LYRM4: variants seen among roughly 807,000 people sequenced by gnomAD.
LYRM4 encodes the protein LYR motif containing 4, also known as LYR motif-containing protein 4.
Under a neutral mutation model 11.7 loss-of-function variants are expected in LYRM4, and 9 were observed. The ratio of observed to expected loss-of-function variants is 0.77; its 90% CI spans 0.46 to 1.34. The LOEUF (loss-of-function observed/expected upper bound fraction) is 1.34, where lower values mean the gene tolerates loss of function less well. Among genes scored for constraint, LYRM4 ranks in the 40% most tolerant of loss-of-function variants. The pLI, the probability that LYRM4 is intolerant of heterozygous loss-of-function variation, is 0.00. For missense variants in LYRM4, 133 were observed against 112.5 expected, an observed-to-expected ratio of 1.18 and a Z score of -0.82; for synonymous variants, 42 against 40.4, an observed-to-expected ratio of 1.04 and a Z score of -0.15.
chr6:5,073,345 G>T, the LYRM4 span, among the ~76,000 whole-genome samples: 1 of 152,006 alleles, frequency 6.6e-6, no homozygotes. Context: ...GCCCCAGCCT[G>T]GGTGACAGAG....
intron 2 of LYRM4, among the ~76,000 whole-genome samples, chr6:5,137,981 G>C (rs58772526): frequency 0.1 from 15,367 of 152,196 alleles, 840 homozygotes; most frequent in Middle Eastern, 0.16. Flanking sequence ...GCCTGAGGTG[G>C]TGCAGAGTTC....
chr6:5,142,598 C>T (rs1205980070), intron 2 of LYRM4, among the ~76,000 whole-genome samples: 1 of 152,206 alleles, frequency 6.6e-6, no homozygotes, highest in Non-Finnish European at 1.5e-5. Flanking sequence ...AAATCACCAG[C>T]CATTGCTAGA....
the LYRM4 span, chr6:5,066,847 C>T: frequency 2.4e-6 from 2 of 836,834 alleles, no homozygotes; most frequent in South Asian, 1.6e-5. Flanking sequence ...GGAGAGGAGT[C>T]AGACAGGCCA....
At chr6:5,246,132 A>C (rs550532828) in intron 1 of LYRM4, among the ~76,000 whole-genome samples, 66 of 152,310 alleles carry the variant, frequency 4.3e-4, no homozygotes, top group African/African-American at 1.6e-3. Flanking sequence ...ATGAATAAAA[A>C]TTTGCTAATA....
At chr6:5,221,761 G>T (rs1441561447) in intron 1 of LYRM4, among the ~76,000 whole-genome samples, 2 of 152,202 alleles carry the variant, frequency 1.3e-5, no homozygotes, top group Non-Finnish European at 2.9e-5. Context: ...CCTCAGGTAG[G>T]AGAATCTTCA....
intron 1 of LYRM4, among the ~76,000 whole-genome samples, chr6:5,243,748 CAA>C (rs1327612219): frequency 5.3e-5 from 8 of 152,120 alleles, no homozygotes; most frequent in African/African-American, 1.7e-4. Flanking sequence ...TTAATTAAAA[CAA>C]AGAGTTATTT....
At chr6:5,094,042 A>T in the LYRM4 span, among the ~76,000 whole-genome samples, 9 of 152,236 alleles carry the variant, frequency 5.9e-5, no homozygotes, top group Non-Finnish European at 1.3e-4. Context: ...GAAACCAGAT[A>T]GGGCTGAGTG....
chr6:5,166,029 TAA>T (rs1287520025), intron 2 of LYRM4, among the ~76,000 whole-genome samples: 1 of 152,176 alleles, frequency 6.6e-6, no homozygotes, highest in Non-Finnish European at 1.5e-5. Flanking sequence ...TTTAAAATTA[TAA>T]ACTTATATAA....
At chr6:5,258,083 G>A (rs533154619) in intron 1 of LYRM4, among the ~76,000 whole-genome samples, 8 of 152,206 alleles carry the variant, frequency 5.3e-5, no homozygotes, top group Non-Finnish European at 1.2e-4. Flanking sequence ...AACAGTACTT[G>A]TAAAGGCCTG....
the LYRM4 span, among the ~76,000 whole-genome samples, chr6:5,083,338 G>A: frequency 2.0e-5 from 3 of 152,212 alleles, no homozygotes; most frequent in Admixed American, 2.0e-4. Context: ...TGTCCTTCCC[G>A]AAATCAGAGT....
intron 2 of LYRM4, among the ~76,000 whole-genome samples, chr6:5,194,236 T>C (rs2127695848): frequency 6.6e-6 from 1 of 152,328 alleles, no homozygotes; most frequent in South Asian, 2.1e-4. Flanking sequence ...TGAAAGCTCC[T>C]GAAGGTTTGG....
At chr6:5,095,210 AGAGCCC>A in the LYRM4 span, among the ~76,000 whole-genome samples, 1 of 152,220 alleles carries the variant, frequency 6.6e-6, no homozygotes, top group Non-Finnish European at 1.5e-5. Context: ...ATCTAGTGGT[AGAGCCC>A]CTGGGTGCTG....
chr6:5,136,172 T>C, intron 2 of LYRM4: 1 of 555,396 alleles, frequency 1.8e-6, no homozygotes, highest in Non-Finnish European at 2.3e-6. Context: ...TGGGTTGCTG[T>C]TGTGAATAAT....
At chr6:5,128,195 G>C (rs1039340009) in intron 2 of LYRM4, among the ~76,000 whole-genome samples, 4 of 152,150 alleles carry the variant, frequency 2.6e-5, no homozygotes, top group African/African-American at 9.7e-5. Flanking sequence ...TAAAAATTAA[G>C]TGAAAATCCC....
chr6:5,135,122 A>G (rs650770), intron 2 of LYRM4, among the ~76,000 whole-genome samples: 60 of 1,492 alleles, frequency 0.04, 1 homozygote, highest in African/African-American at 0.11. Flanking sequence ...CGCTCCCGGG[A>G]CTGTGGAGGG....
the LYRM4 span, chr6:5,033,250 T>C: frequency 6.6e-6 from 1 of 151,768 alleles, no homozygotes; most frequent in Non-Finnish European, 1.5e-5. Flanking sequence ...CCAGCACTCA[T>C]TTCAATCTCA....
the LYRM4 span, among the ~76,000 whole-genome samples, chr6:5,043,836 A>G: frequency 6.6e-6 from 1 of 152,190 alleles, no homozygotes; most frequent in Non-Finnish European, 1.5e-5. Context: ...GTCAGGTACC[A>G]GACAATTAGG....
chr6:5,156,239 T>A (rs1758404928), intron 2 of LYRM4, among the ~76,000 whole-genome samples: 1 of 152,226 alleles, frequency 6.6e-6, no homozygotes. Flanking sequence ...TCACAGCCCC[T>A]TTTTCTGCAG....
the LYRM4 span, among the ~76,000 whole-genome samples, chr6:5,093,196 G>T: frequency 5.3e-5 from 8 of 152,220 alleles, no homozygotes; most frequent in East Asian, 1.5e-3. Context: ...GTTTACCAAA[G>T]TAATTAAAGA....
Sources: gnomAD v4.1 joint callset for allele counts (sites outside exome capture counted in the v4.1 genomes callset) on GRCh38, gnomAD v4.1.1 for gene constraint, MANE v1.5 for transcripts, NCBI Gene and HGNC (gene_info 2026-07-23, HGNC 2026-07-21) for gene names.